Variants in TUSC3 observed in about 807,000 individuals in gnomAD.
TUSC3 encodes dolichyl-diphosphooligosaccharide--protein glycosyltransferase subunit TUSC3.
Under a neutral mutation model 44.8 loss-of-function variants are expected in TUSC3, and 45 were observed. That is an observed-to-expected ratio of 1.00 (90% CI 0.79 to 1.29). The LOEUF is 1.29. Among genes scored for constraint, TUSC3 ranks in the 50% most tolerant of loss-of-function variants. The probability of loss-of-function intolerance (pLI) is 0.00; values close to 1 mark genes in which losing one functional copy is unlikely to be tolerated. For missense variants in TUSC3, 519 were observed against 437.9 expected (o/e 1.19, Z -1.65); for synonymous variants, 212 against 152.9 (o/e 1.39, Z -2.85).
intron 1 of TUSC3, among the ~76,000 whole-genome samples, chr8:15,602,280 T>G (rs1804320942): frequency 6.6e-6 from 1 of 151,742 alleles, no homozygotes; most frequent in African/African-American, 2.4e-5. Context: ...CTGTTGTTCA[T>G]GCAGAACTAT....
intron 6 of TUSC3, among the ~76,000 whole-genome samples, chr8:15,728,667 G>C (rs1024510905): frequency 6.6e-6 from 1 of 152,102 alleles, no homozygotes; most frequent in Non-Finnish European, 1.5e-5. Context: ...GCTGTTATCA[G>C]ACTTCCAGTA....
chr8:15,802,410 T>C, the TUSC3 span, among the ~76,000 whole-genome samples: 2 of 152,178 alleles, frequency 1.3e-5, no homozygotes, highest in African/African-American at 2.4e-5. Flanking sequence ...GGAAGAAATA[T>C]AAATAATTGC....
At chr8:15,452,558 C>G (rs577036482) in intron 1 of TUSC3, among the ~76,000 whole-genome samples, 63 of 152,144 alleles carry the variant, frequency 4.1e-4, no homozygotes, top group African/African-American at 1.4e-3. Context: ...GAAGAGGAGC[C>G]AAGCTAGTGG....
intron 7 of TUSC3, chr8:15,733,356 T>G (rs79427511): frequency 1.5e-5 from 6 of 406,332 alleles, no homozygotes; most frequent in Admixed American, 9.7e-5. Flanking sequence ...TTTTTGTTTT[T>G]TTTTTTTTCC....
intron 1 of TUSC3, among the ~76,000 whole-genome samples, chr8:15,457,509 G>A (rs1418434284): frequency 6.6e-6 from 1 of 151,122 alleles, no homozygotes; most frequent in Admixed American, 6.6e-5. Context: ...AAATAGTATG[G>A]ATTCACATTT....
intron 2 of TUSC3, among the ~76,000 whole-genome samples, chr8:15,516,286 T>G (rs1468435924): frequency 3.3e-5 from 5 of 152,194 alleles, no homozygotes; most frequent in African/African-American, 1.2e-4. Context: ...AATTTGTGGT[T>G]TATTTCAAGT....
chr8:15,573,194 C>G (rs1223287869), intron 1 of TUSC3, among the ~76,000 whole-genome samples: 1 of 104,750 alleles, frequency 9.5e-6, no homozygotes, highest in Admixed American at 9.9e-5. Flanking sequence ...CTCTCTCTCT[C>G]TCTCTCTCTA....
chr8:15,725,247 T>C (rs1472674889), intron 6 of TUSC3, among the ~76,000 whole-genome samples: 3 of 152,164 alleles, frequency 2.0e-5, no homozygotes, highest in Non-Finnish European at 4.4e-5. Flanking sequence ...ATTATTGTCT[T>C]CAAAATAGCT....
chr8:15,752,216 A>G (rs748895949), intron 9 of TUSC3, among the ~76,000 whole-genome samples: 11 of 152,056 alleles, frequency 7.2e-5, no homozygotes, highest in Non-Finnish European at 1.3e-4. Flanking sequence ...TAGACAAAGG[A>G]GAGAGGAGGG....
At chr8:15,661,472 A>T (rs963245340) in intron 4 of TUSC3, among the ~76,000 whole-genome samples, 10 of 151,898 alleles carry the variant, frequency 6.6e-5, no homozygotes, top group Admixed American at 5.3e-4. Context: ...TTCATGATTG[A>T]CTTCTGCTCA....
At chr8:15,601,997 C>T (rs1375610446) in intron 1 of TUSC3, among the ~76,000 whole-genome samples, 2 of 151,292 alleles carry the variant, frequency 1.3e-5, no homozygotes, top group Non-Finnish European at 3.0e-5. Context: ...AATTGAGCAT[C>T]CCTGATCTAA....
chr8:15,669,310 T>TTC (rs562722861), intron 5 of TUSC3, among the ~76,000 whole-genome samples: 155 of 151,904 alleles, frequency 1.0e-3, no homozygotes, highest in African/African-American at 3.6e-3. Flanking sequence ...TGACTAACTC[T>TTC]TCTAAACAAT....
At chr8:15,609,098 T>G (rs189930966) in intron 1 of TUSC3, among the ~76,000 whole-genome samples, 1 of 152,222 alleles carries the variant, frequency 6.6e-6, no homozygotes. Context: ...ATGTAAGCGT[T>G]ACATATTTTA....
At chr8:15,733,599 A>G (rs1229318046) in intron 7 of TUSC3, 1 of 185,050 alleles carries the variant, frequency 5.4e-6, no homozygotes, top group Non-Finnish European at 1.1e-5. Context: ...TTTCATATAG[A>G]TCTTAGCAGT....
At chr8:15,793,018 GAA>G in the TUSC3 span, among the ~76,000 whole-genome samples, 1 of 151,990 alleles carries the variant, frequency 6.6e-6, no homozygotes, top group Admixed American at 6.6e-5. Context: ...GAACCAATGA[GAA>G]GAGATGTTTC....
intron 2 of TUSC3, among the ~76,000 whole-genome samples, chr8:15,626,032 G>A (rs1018715877): frequency 6.6e-6 from 1 of 152,208 alleles, no homozygotes; most frequent in African/African-American, 2.4e-5. Context: ...CAGCTGTGGC[G>A]AGGGAGGCTG....
At position 15,508,045 on chromosome 8, in the gene TUSC3, C is replaced by T. The variant is rs111722987; in HGVS notation, n.189+24562C>T. On this transcript the variant is annotated intron_variant and non_coding_transcript_variant, in intron 2 of 5. Coordinates refer to the TUSC3 transcript ENST00000503191. Reference sequence around the variant, plus strand: ...TCACTTGAAGCCAGGAGTTCACGGCCAGCCTGGTCAACATGGGGAAACCCG... The same window carrying T: ...TCACTTGAAGCCAGGAGTTCACGGCTAGCCTGGTCAACATGGGGAAACCCG... Among the ~76,000 whole-genome samples, 1,140 of 152,166 alleles carry T rather than the reference C, an allele frequency of 7.5e-3. 16 individuals are homozygous for T. Among genetic ancestry groups the T allele is most frequent in the African/African-American group, 0.024 (1,010 of 41,510 alleles).
At chr8:15,541,906 G>C (rs1448014463) in intron 1 of TUSC3, among the ~76,000 whole-genome samples, 2 of 151,646 alleles carry the variant, frequency 1.3e-5, no homozygotes, top group Non-Finnish European at 2.9e-5. Flanking sequence ...CATGGAAATT[G>C]TGATGTTTTA....
chr8:15,785,951 A>G, the TUSC3 span, among the ~76,000 whole-genome samples: 1 of 152,186 alleles, frequency 6.6e-6, no homozygotes, highest in Non-Finnish European at 1.5e-5. Flanking sequence ...TATTAGCTAA[A>G]ATATTTAAAT....
Sources: gnomAD v4.1 joint callset for allele counts (sites outside exome capture counted in the v4.1 genomes callset) on GRCh38, gnomAD v4.1.1 for gene constraint, MANE v1.5 for transcripts, NCBI Gene and HGNC (gene_info 2026-07-23, HGNC 2026-07-21) for gene names.